The following ANKIB1 variants were observed in gnomAD, a reference collection of about 807,000 sequenced individuals.
ANKIB1 encodes the protein ankyrin repeat and IBR domain containing 1.
A neutral mutation model predicts 122.1 loss-of-function variants in ANKIB1; 43 were observed. That is an observed-to-expected ratio of 0.35 (90% CI 0.28 to 0.45). The LOEUF is 0.45. Ranked by LOEUF, ANKIB1 falls within the 20% of genes least tolerant of loss-of-function variation. ANKIB1 has a pLI of 1.00. For synonymous variants in ANKIB1, 390 were observed against 442.0 expected (o/e 0.88, Z 1.48); for missense variants, 992 against 1,329.5 (o/e 0.75, Z 3.95).
intron 4 of ANKIB1, among the ~76,000 whole-genome samples, chr7:92,326,222 C>T (rs754655501): frequency 6.6e-6 from 1 of 152,198 alleles, no homozygotes; most frequent in South Asian, 2.1e-4. Flanking sequence ...TTTTAAAAAA[C>T]TGGATCTATG....
intron 5 of ANKIB1, among the ~76,000 whole-genome samples, chr7:92,341,656 A>G (rs1045703964): frequency 6.6e-6 from 1 of 152,246 alleles, no homozygotes; most frequent in Non-Finnish European, 1.5e-5. Flanking sequence ...GGAAAAGGAG[A>G]TAAAGTTTAT....
At chr7:92,314,436 T>C (rs1324108311) in intron 3 of ANKIB1, among the ~76,000 whole-genome samples, 1 of 152,262 alleles carries the variant, frequency 6.6e-6, no homozygotes, top group African/African-American at 2.4e-5. Context: ...AAAGCCTTGC[T>C]ACTCAAAAGA....
intron 5 of ANKIB1, among the ~76,000 whole-genome samples, chr7:92,338,931 AAAATATATATATATAT>A (rs1255106869): frequency 1.1e-3 from 33 of 31,410 alleles, no homozygotes; most frequent in African/African-American, 4.0e-3. Context: ...AAAAAAAAAA[AAAATATATATATATAT>A]ATATATATAT....
intron 3 of ANKIB1, among the ~76,000 whole-genome samples, chr7:92,313,274 C>T (rs1292718399): frequency 1.3e-5 from 2 of 152,162 alleles, no homozygotes. Context: ...TTTACAGCTA[C>T]AGGGCCTATT....
intron 3 of ANKIB1, among the ~76,000 whole-genome samples, chr7:92,315,571 C>G (rs984879420): frequency 2.0e-5 from 3 of 151,816 alleles, no homozygotes; most frequent in African/African-American, 7.3e-5. Flanking sequence ...GAGGGAAACA[C>G]AAAAAATAGA....
intron 10 of ANKIB1, among the ~76,000 whole-genome samples, chr7:92,362,699 T>A (rs1803980007): frequency 6.6e-6 from 1 of 152,248 alleles, no homozygotes; most frequent in African/African-American, 2.4e-5. Flanking sequence ...GTTATGTGGT[T>A]CTATAGATTT....
intron 1 of ANKIB1, among the ~76,000 whole-genome samples, chr7:92,252,079 C>T (rs959805665): frequency 2.6e-5 from 4 of 152,108 alleles, no homozygotes; most frequent in African/African-American, 7.2e-5. Context: ...GGCAGTAATA[C>T]CACAGAAATG....
chr7:92,370,501 CTT>C (rs1429241087), intron 10 of ANKIB1, among the ~76,000 whole-genome samples: 1 of 86,008 alleles, frequency 1.2e-5, no homozygotes, highest in African/African-American at 4.9e-5. Flanking sequence ...GAGCAAGACT[CTT>C]GTCTCAAAAA....
intron 9 of ANKIB1, among the ~76,000 whole-genome samples, chr7:92,355,525 C>T (rs541834332): frequency 3.9e-4 from 59 of 151,980 alleles, no homozygotes; most frequent in Non-Finnish European, 8.2e-4. Context: ...ATATTTTATT[C>T]GCTGAAATTG....
At chr7:92,345,588 C>A (rs1803520900) in intron 7 of ANKIB1, among the ~76,000 whole-genome samples, 1 of 152,180 alleles carries the variant, frequency 6.6e-6, no homozygotes, top group Non-Finnish European at 1.5e-5. Flanking sequence ...ATTTACCCTT[C>A]CCGTTACCTT....
intron 1 of ANKIB1, among the ~76,000 whole-genome samples, chr7:92,290,222 G>T (rs139111336): frequency 1.3e-5 from 2 of 152,208 alleles, no homozygotes; most frequent in African/African-American, 4.8e-5. Flanking sequence ...TTTCAACCTG[G>T]AGTGGGATGG....
chr7:92,327,327 C>G (rs1016391722), intron 4 of ANKIB1, among the ~76,000 whole-genome samples: 6 of 152,112 alleles, frequency 3.9e-5, no homozygotes, highest in African/African-American at 1.4e-4. Flanking sequence ...ACTTTAATAA[C>G]CAAATTTAAA....
intron 2 of ANKIB1, among the ~76,000 whole-genome samples, chr7:92,304,137 T>C (rs185163068): frequency 1.1e-4 from 16 of 152,250 alleles, no homozygotes; most frequent in Admixed American, 5.9e-4. Context: ...ATATCGATTT[T>C]ATACTCATTA....
At chr7:92,342,553 A>G (rs1305960702) in intron 5 of ANKIB1, among the ~76,000 whole-genome samples, 1 of 152,164 alleles carries the variant, frequency 6.6e-6, no homozygotes, top group African/African-American at 2.4e-5. Context: ...TCTGCTTTCA[A>G]GCTGTTTATT....
chr7:92,397,505 A>G (rs1804925129), intron 18 of ANKIB1, among the ~76,000 whole-genome samples: 1 of 152,022 alleles, frequency 6.6e-6, no homozygotes, highest in Admixed American at 6.6e-5. Flanking sequence ...AAAAAGTAAA[A>G]AGTTACGGAT....
At chr7:92,259,322 G>A (rs1801513004) in intron 1 of ANKIB1, among the ~76,000 whole-genome samples, 1 of 152,126 alleles carries the variant, frequency 6.6e-6, no homozygotes, top group Non-Finnish European at 1.5e-5. Context: ...TAAAAGTTGT[G>A]TAGTATTTGA....
chr7:92,316,087 G>A (rs977758855), intron 3 of ANKIB1, among the ~76,000 whole-genome samples: 1 of 152,044 alleles, frequency 6.6e-6, no homozygotes, highest in Non-Finnish European at 1.5e-5. Context: ...GATGTGCTGC[G>A]ATCATGATAA....
intron 3 of ANKIB1, among the ~76,000 whole-genome samples, chr7:92,316,000 G>A (rs1802786128): frequency 6.6e-6 from 1 of 152,092 alleles, no homozygotes; most frequent in Non-Finnish European, 1.5e-5. Flanking sequence ...TTGAATAGTA[G>A]GGGTTACCTC....
chr7:92,348,431 G>A (rs924150917), intron 7 of ANKIB1, among the ~76,000 whole-genome samples: 2 of 150,348 alleles, frequency 1.3e-5, no homozygotes, highest in Non-Finnish European at 2.9e-5. Context: ...CGTCACCCAG[G>A]CAGGAGTGCA....
Sources: allele counts gnomAD v4.1 joint callset (sites outside exome capture counted in the v4.1 genomes callset), GRCh38; gene constraint gnomAD v4.1.1; transcripts MANE v1.5; gene names NCBI Gene and HGNC (gene_info 2026-07-23, HGNC 2026-07-21).